Variants in ONECUT1 observed in about 807,000 individuals in gnomAD.
ONECUT1 encodes the protein one cut homeobox 1.
Under a neutral mutation model 25.6 loss-of-function variants are expected in ONECUT1, and 12 were observed. The observed-to-expected ratio is 0.47, with a 90% CI of 0.30 to 0.76. The LOEUF (loss-of-function observed/expected upper bound fraction) is 0.76, where lower values mean the gene tolerates loss of function less well. Ranked by LOEUF, ONECUT1 falls within the 30% of genes least tolerant of loss-of-function variation. ONECUT1 has a pLI of 0.07. For synonymous variants in ONECUT1, 285 were observed against 270.2 expected (o/e 1.05, Z -0.54); for missense variants, 620 against 651.2 (o/e 0.95, Z 0.52).
chr15:52,777,697 AACAC>A (rs369734028), intron 1 of ONECUT1, among the ~76,000 whole-genome samples: 1,451 of 122,046 alleles, frequency 0.012, 30 homozygotes, highest in South Asian at 0.024. Flanking sequence ...CTTCCTGGAA[AACAC>A]ACACACACAC....
chr15:52,787,326 C>A (rs1289776683), intron 1 of ONECUT1, among the ~76,000 whole-genome samples: 2 of 152,076 alleles, frequency 1.3e-5, no homozygotes, highest in African/African-American at 2.4e-5. Flanking sequence ...TGGCCTGCAG[C>A]GCCCAAACCC....
At chr15:52,787,392 A>G (rs1215006307) in intron 1 of ONECUT1, among the ~76,000 whole-genome samples, 1 of 151,394 alleles carries the variant, frequency 6.6e-6, no homozygotes, top group Non-Finnish European at 1.5e-5. Context: ...GGCACCTGCC[A>G]CCCCCAGCTT....
chr15:52,770,429 G>A (rs1048408007), intron 1 of ONECUT1, among the ~76,000 whole-genome samples: 5 of 152,152 alleles, frequency 3.3e-5, no homozygotes, highest in South Asian at 2.1e-4. Flanking sequence ...ATTCTGATTC[G>A]GCAAGCCAGG....
Position 52,788,375 on chromosome 15 carries a change from A to C in ONECUT1, c.1105+405T>G. On this transcript the variant is annotated intron_variant, in intron 1 of 1. Coordinates refer to ENST00000305901, the MANE Select transcript of ONECUT1 (RefSeq NM_004498.4). This position sits in a 1 kb window ranked among gnomAD's most constrained non-coding sequence, Gnocchi z 4.3. ...GGATGTGTCAGAGGTACCTGCGAGG[A>C]ACATTTGCGTGCGATTCCACGCACG... is the stretch of plus-strand genomic sequence containing the variant. 1 of 180,538 alleles carries C rather than the reference A, an allele frequency of 5.5e-6. No homozygotes were observed. Among genetic ancestry groups the C allele is most frequent in the Middle Eastern group, 2.6e-3 (1 of 386 alleles). 11.2% of individuals were successfully genotyped at this position (180,538 alleles called of 1,614,324 possible). A position where few individuals can be genotyped will look rare whatever the true frequency, so the allele number is the denominator to read the frequency against.
At chr15:52,781,852 G>A (rs2083843277) in intron 1 of ONECUT1, among the ~76,000 whole-genome samples, 1 of 152,196 alleles carries the variant, frequency 6.6e-6, no homozygotes, top group Middle Eastern at 3.2e-3. Flanking sequence ...TGGTATAAAT[G>A]TTGAGTCTTC....
rs1402130601 is a variant in ONECUT1, at chr15:52,777,733, C to CAAAAAA, written c.1105+11046_1105+11047insTTTTTT. 4.4e-3 allele frequency among the ~76,000 whole-genome samples: 372 copies of CAAAAAA among 85,214 alleles called. 10 individuals are homozygous for CAAAAAA. The highest frequency in any genetic ancestry group is 0.019 in the East Asian group (36 of 1,868). 55.9% of individuals were successfully genotyped at this position (85,214 alleles called of 152,430 possible). On this transcript the variant is annotated intron_variant, in intron 1 of 1. Transcript: ENST00000305901. ...ACACACACACACACACACACACACA[C>CAAAAAA]ACACAAAAAAACATGTAAAGTTATT... is the stretch of plus-strand genomic sequence containing the variant.
At chr15:52,758,638 C>G (rs1405761448) in intron 1 of ONECUT1, among the ~76,000 whole-genome samples, 3 of 152,146 alleles carry the variant, frequency 2.0e-5, no homozygotes, top group Non-Finnish European at 4.4e-5. Context: ...CCCCTCATCA[C>G]TTACTTGGTC....
intron 1 of ONECUT1, among the ~76,000 whole-genome samples, chr15:52,766,110 TC>T (rs2083732644): frequency 6.6e-6 from 1 of 152,178 alleles, no homozygotes; most frequent in Non-Finnish European, 1.5e-5. Context: ...GAGCAGACAT[TC>T]CCAGTGGGGA....
At chr15:52,759,206 C>G (rs543489995) in intron 1 of ONECUT1, among the ~76,000 whole-genome samples, 1 of 152,186 alleles carries the variant, frequency 6.6e-6, no homozygotes, top group Non-Finnish European at 1.5e-5. Context: ...CTGTTGCTGC[C>G]TTCCGCTTCA....
At chr15:52,780,971 G>C in intron 1 of ONECUT1, 1 of 991,964 alleles carries the variant, frequency 1.0e-6, no homozygotes, top group South Asian at 3.3e-5. Context: ...ATGCCCTCTA[G>C]ACAACTCCCA....
At chr15:52,782,811 A>C (rs2083849856) in intron 1 of ONECUT1, among the ~76,000 whole-genome samples, 2 of 152,216 alleles carry the variant, frequency 1.3e-5, no homozygotes, top group Non-Finnish European at 1.5e-5. Context: ...TTGATTTAAA[A>C]TATTAAGTCG....
rs1310627008 is a variant in ONECUT1, at chr15:52,755,598, A to G, written c.*1957T>C. On this transcript the variant is annotated 3_prime_UTR_variant, in exon 2 of 2. Transcript: ENST00000305901. Reference sequence around the variant, plus strand: ...CTCTCTAGTTGCCTGCCTGTTACAGACCTAGACAAGGTGCTGAGATTTGAT... The same window carrying G: ...CTCTCTAGTTGCCTGCCTGTTACAGGCCTAGACAAGGTGCTGAGATTTGAT... Among the ~76,000 whole-genome samples, 1 of 152,198 alleles carries G rather than the reference A, an allele frequency of 6.6e-6. No individual in the cohort carries two copies. Among genetic ancestry groups the G allele is most frequent in the African/African-American group, 2.4e-5 (1 of 41,432 alleles).
At chr15:52,762,018 T>C (rs1201558774) in intron 1 of ONECUT1, among the ~76,000 whole-genome samples, 1 of 152,202 alleles carries the variant, frequency 6.6e-6, no homozygotes, top group Non-Finnish European at 1.5e-5. Context: ...GCTAGAAATA[T>C]AGACTTGGAA....
intron 1 of ONECUT1, among the ~76,000 whole-genome samples, chr15:52,785,568 G>C (rs2083869218): frequency 6.6e-6 from 1 of 152,190 alleles, no homozygotes; most frequent in Non-Finnish European, 1.5e-5. Context: ...GGTGTGTGTC[G>C]CTGTCTCTTT....
rs1384697372 is a variant in ONECUT1 at position 52,768,896 on chromosome 15, GCTACT to G, written c.1106-11054_1106-11050del. Among the ~76,000 whole-genome samples the G allele has an allele frequency of 3.3e-5, 5 of 152,124 alleles. No homozygotes were observed. In the East Asian group the frequency reaches 9.6e-4, roughly 29 times the overall value. On this transcript the variant is annotated intron_variant, in intron 1 of 1. Transcript: ENST00000305901. ...AAGCCCAAGATGAAAGCCCTTGGCG[GCTACT>G]CTACCATGATATTCAAGGACCTTGA...
intron 1 of ONECUT1, among the ~76,000 whole-genome samples, chr15:52,761,356 G>C (rs115758553): frequency 3.2e-3 from 480 of 152,214 alleles, no homozygotes; most frequent in African/African-American, 0.011. Context: ...GCAGAGAACT[G>C]TACCTAAAAT....
At position 52,755,882 on chromosome 15, in the gene ONECUT1, A is replaced by ATT. The variant is rs149746818; in HGVS notation, c.*1671_*1672dup. 7.4e-5 allele frequency among the ~76,000 whole-genome samples: 11 copies of ATT among 149,628 alleles called. No individual in the cohort carries two copies. The highest frequency in any genetic ancestry group is 2.0e-4 in the African/African-American group (8 of 40,798). On this transcript the variant is annotated 3_prime_UTR_variant, in exon 2 of 2. Coordinates refer to ENST00000305901, the MANE Select transcript of ONECUT1 (RefSeq NM_004498.4). ...ACTGGGGTACCACTAATACGACTTC[A>ATT]TTTTTTTTTTGACTTTGACTTCTAC...
intron 1 of ONECUT1, among the ~76,000 whole-genome samples, chr15:52,766,368 T>C (rs977385547): frequency 4.6e-5 from 7 of 151,778 alleles, no homozygotes; most frequent in African/African-American, 1.2e-4. Flanking sequence ...TGAAACATCA[T>C]GGAAACTTTC....
chr15:52,757,969 G>C lies in ONECUT1; in HGVS notation c.1106-122C>G, dbSNP rs528890550. The stretch of plus-strand genomic sequence containing the variant: ...GCCTGCTTTCTGTTTGCTGACCTCT[G>C]CTTTAAGCACCATTGGAGGCTGGGA... On this transcript the variant is annotated intron_variant, in intron 1 of 1. Transcript: ENST00000305901. 6.4e-4 allele frequency: 663 copies of C among 1,029,988 alleles called. 4 individuals are homozygous for C. The highest frequency in any genetic ancestry group is 2.5e-3 in the Middle Eastern group (10 of 3,934). 63.8% of individuals were successfully genotyped at this position (1,029,988 alleles called of 1,614,324 possible).
Sources: allele counts gnomAD v4.1 joint callset (sites outside exome capture counted in the v4.1 genomes callset), GRCh38; gene constraint gnomAD v4.1.1; non-coding constraint Gnocchi (gnomAD v3.1); transcripts MANE v1.5; gene names NCBI Gene and HGNC (gene_info 2026-07-23, HGNC 2026-07-21).